EXOC1: variants seen among roughly 807,000 people sequenced by gnomAD.
The protein encoded by EXOC1 is SEC3-like 1.
In EXOC1, 67 loss-of-function variants were observed where a neutral mutation model predicts 107.7. The observed-to-expected ratio is 0.62, with a 90% CI of 0.51 to 0.76. The LOEUF is 0.76. EXOC1 is among the 30% of genes least tolerant of loss of function. The pLI, the probability that EXOC1 is intolerant of heterozygous loss-of-function variation, is 0.00. For missense variants in EXOC1, 833 were observed against 1,055.7 expected, an observed-to-expected ratio of 0.79 and a Z score of 2.92; for synonymous variants, 348 against 353.5, an observed-to-expected ratio of 0.98 and a Z score of 0.17.
chr4:55,871,079 G>C (rs778979573), intron 6 of EXOC1, 22 bp from the exon 7 acceptor site: 91 of 1,608,662 alleles, frequency 5.7e-5, no homozygotes, highest in Non-Finnish European at 7.1e-5. Context: ...ACATGCAAAT[G>C]GTGTGTTTGC....
At chr4:55,876,497 AT>A in intron 8 of EXOC1, 1 of 785,810 alleles carries the variant, frequency 1.3e-6, no homozygotes, top group East Asian at 1.3e-4. Flanking sequence ...TTCAGGTCAC[AT>A]TTTACCATCA....
chr4:55,857,374 G>T (rs1484373393), intron 1 of EXOC1, among the ~76,000 whole-genome samples: 2 of 151,122 alleles, frequency 1.3e-5, no homozygotes, highest in East Asian at 1.9e-4. Flanking sequence ...TAGAGACGGG[G>T]TTTCACCGTG....
intron 5 of EXOC1, chr4:55,868,789 A>G (rs1722176194): frequency 1.3e-5 from 4 of 302,460 alleles, no homozygotes; most frequent in Middle Eastern, 9.2e-4. Flanking sequence ...AAACTAGGCC[A>G]GAGAACATCT....
intron 4 of EXOC1, among the ~76,000 whole-genome samples, chr4:55,867,339 A>G (rs1335852813): frequency 6.6e-6 from 1 of 152,178 alleles, no homozygotes; most frequent in African/African-American, 2.4e-5. Flanking sequence ...GGACAAATGA[A>G]CGTATTTCAG....
At chr4:55,895,474 A>G (rs536481665) in intron 15 of EXOC1, among the ~76,000 whole-genome samples, 11 of 152,344 alleles carry the variant, frequency 7.2e-5, no homozygotes, top group Non-Finnish European at 1.5e-4. Context: ...GAAGTAGAAC[A>G]TTAGTACAGA....
Position 55,893,873 on chromosome 4 carries a change from G to T in EXOC1, c.1953+93G>T, listed in dbSNP as rs541935001. ...AAAATCGAGGGATTTCCAGCTTTCT[G>T]TTGGGGAATCTGTTGTTTATGTCCC... On this transcript the variant is annotated intron_variant, in intron 15 of 18. Coordinates refer to ENST00000381295, the MANE Select transcript of EXOC1 (RefSeq NM_001024924.2). 476 of 1,032,330 alleles carry T rather than the reference G, an allele frequency of 4.6e-4. 1 individual carries two copies. The South Asian group carries it at 5.1e-3, about 11-fold the overall frequency. The allele number at this position is 1,032,330 out of a possible 1,614,324, so 63.9% of individuals were successfully genotyped here. A position where few individuals can be genotyped will look rare whatever the true frequency, so the allele number is the denominator to read the frequency against.
At chr4:55,903,866 G>T (rs6829007) in intron 18 of EXOC1, among the ~76,000 whole-genome samples, 151,104 of 152,276 alleles carry the variant, frequency 0.99, 74,977 homozygotes, top group Middle Eastern at 1. Flanking sequence ...CATCAAGCAA[G>T]GTTTTGCATC....
intron 5 of EXOC1, among the ~76,000 whole-genome samples, chr4:55,869,342 G>T (rs2110332110): frequency 6.6e-6 from 1 of 152,116 alleles, no homozygotes; most frequent in Admixed American, 6.5e-5. Context: ...CTCCAGCTTG[G>T]GTGACAGAGT....
At chr4:55,859,406 T>C (rs1721274513) in intron 2 of EXOC1, among the ~76,000 whole-genome samples, 1 of 152,144 alleles carries the variant, frequency 6.6e-6, no homozygotes, top group South Asian at 2.1e-4. Context: ...TGAAAGCGCT[T>C]ATTAACATTA....
At chr4:55,876,554 G>T in intron 8 of EXOC1, 1 of 973,912 alleles carries the variant, frequency 1.0e-6, no homozygotes, top group Non-Finnish European at 1.2e-6. Context: ...AGAGCTTTTT[G>T]GCTGTCAGAA....
rs1405629526 is a variant in EXOC1 at position 55,905,077 on chromosome 4, AC to A, written c.*583del. On this transcript the variant is annotated 3_prime_UTR_variant, in exon 19 of 19. Transcript: ENST00000381295. ...GTCTTCTGTATTAAAGCAAGTTCTT[AC>A]AAAATCCATATACAAAAATTAATTG... The A allele has an allele frequency of 6.6e-6, 1 of 152,198 alleles. No homozygotes were observed. The highest frequency in any genetic ancestry group is 6.5e-5 in the Admixed American group (1 of 15,282). The allele number at this position is 152,198 out of a possible 1,614,324, so 9.4% of individuals were successfully genotyped here.
chr4:55,894,122 C>T (rs1947131), intron 15 of EXOC1, among the ~76,000 whole-genome samples: 7,909 of 152,088 alleles, frequency 0.052, 510 homozygotes, highest in Admixed American at 0.18. Flanking sequence ...GTCAGGAGTT[C>T]GAGACCAGCC....
At chr4:55,902,295 TAATAA>T in intron 17 of EXOC1, 44 bp from the exon 18 acceptor site, 1 of 1,314,232 alleles carries the variant, frequency 7.6e-7, no homozygotes, top group East Asian at 2.9e-5. Context: ...TTAATGTAAA[TAATAA>T]TAAATGCAGG....
At chr4:55,860,958 C>CAAA (rs749255857) in intron 3 of EXOC1, among the ~76,000 whole-genome samples, 1 of 72,898 alleles carries the variant, frequency 1.4e-5, no homozygotes, top group African/African-American at 4.6e-5. Context: ...GTTTGTGGAT[C>CAAA]AAAAAAAAAA....
At chr4:55,858,848 G>A (rs1005717905) in intron 2 of EXOC1, among the ~76,000 whole-genome samples, 25 of 152,100 alleles carry the variant, frequency 1.6e-4, no homozygotes, top group Non-Finnish European at 3.4e-4. Context: ...ATCCCAGTTA[G>A]TGGCTTGTCT....
chr4:55,896,203 G>A (rs138918360), intron 15 of EXOC1, among the ~76,000 whole-genome samples: 3,054 of 152,268 alleles, frequency 0.02, 120 homozygotes, highest in African/African-American at 0.07. Flanking sequence ...AGGCTGGAGT[G>A]CAGTGGCGCA....
intron 1 of EXOC1, among the ~76,000 whole-genome samples, chr4:55,857,168 C>CTTTT (rs71192052): frequency 2.0e-4 from 13 of 65,770 alleles, no homozygotes; most frequent in Non-Finnish European, 2.4e-4. Context: ...TCCTTTTTTT[C>CTTTT]TTTTTTTTTT....
chr4:55,876,356 T>C (rs1722893251), intron 8 of EXOC1: 1 of 953,610 alleles, frequency 1.0e-6, no homozygotes, highest in Admixed American at 6.2e-5. Context: ...AGGAGTGTTT[T>C]TAGAATGTTT....
chr4:55,889,931 G>A (rs1724319188), intron 11 of EXOC1, among the ~76,000 whole-genome samples: 1 of 152,122 alleles, frequency 6.6e-6, no homozygotes, highest in African/African-American at 2.4e-5. Flanking sequence ...ATCACCAGGC[G>A]ACTTTATGAA....
Sources: allele counts gnomAD v4.1 joint callset (sites outside exome capture counted in the v4.1 genomes callset), GRCh38; gene constraint gnomAD v4.1.1; transcripts MANE v1.5; gene names NCBI Gene and HGNC (gene_info 2026-07-23, HGNC 2026-07-21).